CADPS: variants seen among roughly 807,000 people sequenced by gnomAD.
CADPS encodes calcium-dependent secretion activator 1.
Under a neutral mutation model 167.3 loss-of-function variants are expected in CADPS, and 57 were observed. The observed-to-expected ratio is 0.34, with a 90% CI of 0.28 to 0.42. CADPS has a LOEUF of 0.42. CADPS is among the 20% of genes least tolerant of loss of function. The probability of loss-of-function intolerance (pLI) is 1.00; values close to 1 mark genes in which losing one functional copy is unlikely to be tolerated. For synonymous variants in CADPS, 676 were observed against 635.3 expected (o/e 1.06, Z -0.96); for missense variants, 1,414 against 1,738.1 (o/e 0.81, Z 3.32).
intron 6 of CADPS, chr3:62,625,935 T>A (rs920662216): frequency 6.6e-6 from 1 of 151,094 alleles, no homozygotes; most frequent in Admixed American, 6.6e-5. Context: ...GAAAACAGGG[T>A]CTTTGCTCTT....
intron 1 of CADPS, among the ~76,000 whole-genome samples, chr3:62,790,650 C>T (rs2092852124): frequency 1.3e-5 from 2 of 152,262 alleles, no homozygotes; most frequent in South Asian, 4.1e-4. Context: ...TTTGAGCCTT[C>T]CTTTACCCAT....
intron 1 of CADPS, among the ~76,000 whole-genome samples, chr3:62,851,218 C>G (rs1052269928): frequency 6.3e-4 from 89 of 141,814 alleles, no homozygotes; most frequent in African/African-American, 2.2e-3. Flanking sequence ...TGGGTCTTGA[C>G]TCTTTATCCA....
intron 13 of CADPS, 73 bp downstream of exon 13, chr3:62,532,798 G>A: frequency 1.4e-6 from 2 of 1,394,168 alleles, no homozygotes; most frequent in Admixed American, 1.8e-5. Context: ...GATCCTAAAA[G>A]CAAGACTAGC....
chr3:62,578,883 G>C (rs994778309), intron 8 of CADPS, among the ~76,000 whole-genome samples: 1 of 152,128 alleles, frequency 6.6e-6, no homozygotes, highest in Non-Finnish European at 1.5e-5. Flanking sequence ...TATTTGATTA[G>C]TCTAGTCCAG....
intron 1 of CADPS, among the ~76,000 whole-genome samples, chr3:62,795,043 T>C (rs893102657): frequency 7.9e-5 from 12 of 152,196 alleles, no homozygotes; most frequent in Non-Finnish European, 5.9e-5. Flanking sequence ...AAGCCACTCA[T>C]GTTTACTGAC....
At chr3:62,679,570 C>G (rs1329806777) in intron 3 of CADPS, among the ~76,000 whole-genome samples, 1 of 152,014 alleles carries the variant, frequency 6.6e-6, no homozygotes, top group African/African-American at 2.4e-5. Context: ...AGCACCAGCA[C>G]TTAGCTGCCA....
rs2067345912 is a variant in CADPS at position 62,641,202 on chromosome 3, G to T, written c.1325+4520C>A. ...GTAAGCGTAATGGGATCTAAACAAG[G>T]CTATGAAATCTTAACTGGATGCTGT... On this transcript the variant is annotated intron_variant, in intron 6 of 29. Transcript: ENST00000383710. Among the ~76,000 whole-genome samples the T allele has an allele frequency of 2.0e-5, 3 of 152,100 alleles. No homozygotes were observed. In the South Asian group the frequency reaches 6.2e-4, roughly 31 times the overall value.
intron 1 of CADPS, among the ~76,000 whole-genome samples, chr3:62,845,980 C>T (rs1028697974): frequency 6.6e-6 from 1 of 151,994 alleles, no homozygotes; most frequent in Non-Finnish European, 1.5e-5. Context: ...GGGTAGATTT[C>T]CCCCTTCCTG....
intron 1 of CADPS, among the ~76,000 whole-genome samples, chr3:62,773,768 C>A (rs894069135): frequency 1.3e-5 from 2 of 152,072 alleles, no homozygotes; most frequent in African/African-American, 4.8e-5. Context: ...CAAAGTGTTT[C>A]TTTAGAAAAA....
intron 3 of CADPS, among the ~76,000 whole-genome samples, chr3:62,676,729 A>T (rs935615493): frequency 1.3e-5 from 2 of 152,138 alleles, no homozygotes; most frequent in African/African-American, 4.8e-5. Context: ...TGCCATAGAG[A>T]TATCAAATCA....
intron 28 of CADPS, among the ~76,000 whole-genome samples, chr3:62,424,548 C>A: frequency 6.6e-6 from 1 of 152,126 alleles, no homozygotes; most frequent in East Asian, 1.9e-4. Flanking sequence ...TAGTGTGAAG[C>A]AAGAGTTCTA....
intron 3 of CADPS, among the ~76,000 whole-genome samples, chr3:62,730,529 A>G (rs1055214635): frequency 8.5e-5 from 13 of 152,178 alleles, no homozygotes; most frequent in African/African-American, 3.1e-4. Context: ...CTGCAGGGAC[A>G]TGCTCATTTC....
Position 62,544,938 on chromosome 3 carries a change from G to A in CADPS, c.1966+4965C>T. On this transcript the variant is annotated intron_variant, in intron 11 of 29. Coordinates refer to ENST00000383710, the MANE Select transcript of CADPS (RefSeq NM_003716.4). This position sits in a 1 kb window ranked among gnomAD's most constrained non-coding sequence, Gnocchi z 4.4. Reference sequence around the variant, plus strand: ...ACAAGGCTCAGGAAAGCAGACAGGAGTTCTAACCTAGCAGCCTAAGTTCTT... The same window carrying A: ...ACAAGGCTCAGGAAAGCAGACAGGAATTCTAACCTAGCAGCCTAAGTTCTT... 2.4e-6 allele frequency: 2 copies of A among 817,908 alleles called. No homozygotes were observed. The highest frequency in any genetic ancestry group is 3.2e-6 in the Non-Finnish European group (2 of 620,608). 50.7% of individuals were successfully genotyped at this position (817,908 alleles called of 1,614,324 possible).
intron 3 of CADPS, among the ~76,000 whole-genome samples, chr3:62,691,110 ACT>A: frequency 6.6e-6 from 1 of 152,020 alleles, no homozygotes; most frequent in South Asian, 2.1e-4. Flanking sequence ...ACTATATGAC[ACT>A]CTGGAAAGTG....
Position 62,421,290 on chromosome 3 carries a change from T to A in CADPS, c.3777+16814A>T, listed in dbSNP as rs1368608490. On this transcript the variant is annotated intron_variant, in intron 28 of 29. Transcript: ENST00000383710. This position sits in a 1 kb window ranked among gnomAD's most constrained non-coding sequence, Gnocchi z 4.7. ...GACAGAATAAGAAATTAAACACTTGTGGGTTCATTCGAAAGAGTGAATGAA... is the reference window on the plus strand; with the variant it reads ...GACAGAATAAGAAATTAAACACTTGAGGGTTCATTCGAAAGAGTGAATGAA... Among the ~76,000 whole-genome samples the A allele has an allele frequency of 1.3e-5, 2 of 148,798 alleles. No individual in the cohort carries two copies. Among genetic ancestry groups the A allele is most frequent in the Non-Finnish European group, 3.0e-5 (2 of 67,150 alleles).
At chr3:62,581,342 T>A (rs945992153) in intron 8 of CADPS, among the ~76,000 whole-genome samples, 2 of 152,202 alleles carry the variant, frequency 1.3e-5, no homozygotes, top group Non-Finnish European at 2.9e-5. Flanking sequence ...TTGTAACTTA[T>A]TTTTCTTCTA....
intron 3 of CADPS, among the ~76,000 whole-genome samples, chr3:62,675,987 A>G (rs114666490): frequency 0.012 from 1,638 of 135,958 alleles, 30 homozygotes; most frequent in African/African-American, 0.039. Context: ...TCTCAGAAGG[A>G]ACAAAAACGT....
At chr3:62,486,103 T>C (rs1365445336) in intron 21 of CADPS, among the ~76,000 whole-genome samples, 1 of 152,238 alleles carries the variant, frequency 6.6e-6, no homozygotes, top group Non-Finnish European at 1.5e-5. Flanking sequence ...ATGTATCTTA[T>C]GGCATTATGT....
chr3:62,607,571 C>T (rs986501708), intron 6 of CADPS, among the ~76,000 whole-genome samples: 9 of 152,340 alleles, frequency 5.9e-5, no homozygotes, highest in African/African-American at 1.2e-4. Context: ...GGTGGGTACA[C>T]AGAAGCAGCG....
Sources: gnomAD v4.1 joint callset for allele counts (sites outside exome capture counted in the v4.1 genomes callset) on GRCh38, gnomAD v4.1.1 for gene constraint, Gnocchi (gnomAD v3.1) non-coding constraint, MANE v1.5 for transcripts, NCBI Gene and HGNC (gene_info 2026-07-23, HGNC 2026-07-21) for gene names.